The following DSCAM variants were observed in gnomAD, a reference collection of about 807,000 sequenced individuals.
The protein encoded by DSCAM is DS cell adhesion molecule.
DSCAM carries 47 observed loss-of-function variants against 217.7 expected under a neutral mutation model. The ratio of observed to expected loss-of-function variants is 0.22; its 90% CI spans 0.17 to 0.28. The LOEUF is 0.28. DSCAM is among the 10% of genes least tolerant of loss of function. The probability of loss-of-function intolerance (pLI) is 1.00; values close to 1 mark genes in which losing one functional copy is unlikely to be tolerated. For missense variants in DSCAM, 2,080 were observed against 2,618.3 expected, an observed-to-expected ratio of 0.79 and a Z score of 4.49; for synonymous variants, 1,056 against 1,015.3, an observed-to-expected ratio of 1.04 and a Z score of -0.76.
chr21:40,080,187 A>G lies in DSCAM; in HGVS notation c.4385T>C (p.Ile1462Thr). The change falls in exon 25 of 33, where the codon ATA (isoleucine) becomes ACA (threonine). Residue 1462 changes from isoleucine (I) to threonine (T), a missense_variant. Transcript: ENST00000400454. ...TAQNGVGPGR[I>T]SEIIEAKTLG... ...GGTCTTTGCTTCTATGATTTCACTT[A>G]TGCGCCCTGGGCCCACTCCATTTTG... 1 of 1,593,338 alleles carries G rather than the reference A, an allele frequency of 6.3e-7. No individual in the cohort carries two copies. Among genetic ancestry groups the G allele is most frequent in the Non-Finnish European group, 8.5e-7 (1 of 1,171,114 alleles).
At chr21:40,801,367 G>A (rs2091738828) in intron 1 of DSCAM, among the ~76,000 whole-genome samples, 1 of 152,182 alleles carries the variant, frequency 6.6e-6, no homozygotes, top group African/African-American at 2.4e-5. Flanking sequence ...TTGGCCAAGT[G>A]AAAAGTTAAT....
At chr21:40,507,974 C>T (rs879548566) in intron 3 of DSCAM, among the ~76,000 whole-genome samples, 3 of 152,082 alleles carry the variant, frequency 2.0e-5, no homozygotes, top group Admixed American at 1.3e-4. Flanking sequence ...CAAAACCCAC[C>T]GGTATTTGCT....
chr21:40,673,292 C>T (rs2090298251), intron 3 of DSCAM, among the ~76,000 whole-genome samples: 2 of 152,158 alleles, frequency 1.3e-5, no homozygotes, highest in South Asian at 2.1e-4. Context: ...AATGATGCCC[C>T]CCCCAAAATA....
chr21:40,460,479 A>C (rs915898751), intron 3 of DSCAM, among the ~76,000 whole-genome samples: 1 of 152,196 alleles, frequency 6.6e-6, no homozygotes, highest in Non-Finnish European at 1.5e-5. Context: ...AACAACTTAG[A>C]AACTTAACCA....
chr21:40,812,663 A>G (rs1292946871), intron 1 of DSCAM, among the ~76,000 whole-genome samples: 1 of 152,238 alleles, frequency 6.6e-6, no homozygotes, highest in Non-Finnish European at 1.5e-5. Flanking sequence ...AATTGAACAT[A>G]TAGGTCTGAA....
intron 3 of DSCAM, among the ~76,000 whole-genome samples, chr21:40,449,808 T>C (rs1290051136): frequency 1.3e-5 from 2 of 152,208 alleles, no homozygotes; most frequent in African/African-American, 2.4e-5. Flanking sequence ...TAATAAAGAT[T>C]AGGCATACTG....
intron 3 of DSCAM, among the ~76,000 whole-genome samples, chr21:40,565,144 C>T (rs1300378003): frequency 6.6e-6 from 1 of 152,202 alleles, no homozygotes; most frequent in Non-Finnish European, 1.5e-5. Context: ...ACTGGCTTCT[C>T]CTCTCCAGCC....
intron 11 of DSCAM, among the ~76,000 whole-genome samples, chr21:40,209,061 G>A (rs1357536790): frequency 6.6e-6 from 1 of 152,180 alleles, no homozygotes; most frequent in Admixed American, 6.5e-5. Flanking sequence ...TAATTGTAGG[G>A]GTGAGGTTCT....
chr21:40,456,845 T>C (rs2145940421), intron 3 of DSCAM, among the ~76,000 whole-genome samples: 1 of 152,292 alleles, frequency 6.6e-6, no homozygotes, highest in Admixed American at 6.5e-5. Context: ...TATTTATGAC[T>C]TTTCATAATA....
chr21:40,435,210 G>A (rs369093820), intron 3 of DSCAM, among the ~76,000 whole-genome samples: 2 of 152,202 alleles, frequency 1.3e-5, no homozygotes, highest in Non-Finnish European at 2.9e-5. Context: ...GCTGCCAAGC[G>A]GAATCCTCTT....
At chr21:40,311,015 C>T (rs760772211) in intron 9 of DSCAM, among the ~76,000 whole-genome samples, 2 of 151,852 alleles carry the variant, frequency 1.3e-5, no homozygotes, top group Non-Finnish European at 1.5e-5. Flanking sequence ...CTTTTGCTGG[C>T]AGGTAGATAA....
At chr21:40,180,676 A>T (rs1395137616) in intron 14 of DSCAM, among the ~76,000 whole-genome samples, 1 of 152,184 alleles carries the variant, frequency 6.6e-6, no homozygotes, top group African/African-American at 2.4e-5. Flanking sequence ...GGAAGTAGGC[A>T]GTTGTGGTGG....
At chr21:40,568,829 T>A (rs2076784641) in intron 3 of DSCAM, among the ~76,000 whole-genome samples, 1 of 152,124 alleles carries the variant, frequency 6.6e-6, no homozygotes, top group African/African-American at 2.4e-5. Context: ...CAGGGCAGGC[T>A]AGACAATGAG....
chr21:40,072,081 C>A (rs1601298223), intron 27 of DSCAM, among the ~76,000 whole-genome samples: 1 of 152,330 alleles, frequency 6.6e-6, no homozygotes, highest in South Asian at 2.1e-4. Context: ...GACCCACTGC[C>A]ACTACAATGT....
chr21:40,548,256 A>C (rs2076599791), intron 3 of DSCAM, among the ~76,000 whole-genome samples: 1 of 152,212 alleles, frequency 6.6e-6, no homozygotes, highest in Non-Finnish European at 1.5e-5. Flanking sequence ...ACCAGCTTTT[A>C]GCTGAACATC....
intron 6 of DSCAM, 39 bp from the exon 7 acceptor site, chr21:40,339,454 A>T (rs1430779362): frequency 6.6e-7 from 1 of 1,526,694 alleles, no homozygotes. Context: ...TGGCACATAC[A>T]AATAATTAAA....
chr21:40,260,625 T>C (rs1160860631), intron 11 of DSCAM, among the ~76,000 whole-genome samples: 2 of 152,186 alleles, frequency 1.3e-5, no homozygotes, highest in Non-Finnish European at 2.9e-5. Context: ...GAATAAATCA[T>C]CAGAGAAACA....
At chr21:40,650,397 G>C (rs1372543895) in intron 3 of DSCAM, among the ~76,000 whole-genome samples, 5 of 152,222 alleles carry the variant, frequency 3.3e-5, no homozygotes, top group Non-Finnish European at 7.3e-5. Flanking sequence ...ACTGGGTTAA[G>C]AGATGCCCAG....
intron 16 of DSCAM, among the ~76,000 whole-genome samples, chr21:40,163,357 ACAAAAC>A (rs1218522589): frequency 1.3e-5 from 2 of 152,214 alleles, no homozygotes; most frequent in Non-Finnish European, 2.9e-5. Flanking sequence ...TGAATCAGAA[ACAAAAC>A]CTGCCATGAA....
Sources: allele counts gnomAD v4.1 joint callset (sites outside exome capture counted in the v4.1 genomes callset), GRCh38; gene constraint gnomAD v4.1.1; transcripts MANE v1.5; gene names NCBI Gene and HGNC (gene_info 2026-07-23, HGNC 2026-07-21).